The following DUSP11 variants were observed in gnomAD, a reference collection of about 807,000 sequenced individuals.
DUSP11 encodes the protein dual specificity phosphatase 11.
In DUSP11, 27 loss-of-function variants were observed where a neutral mutation model predicts 41.4. The observed-to-expected ratio is 0.65, with a 90% confidence interval of 0.48 to 0.90. DUSP11 has a LOEUF of 0.90. DUSP11 is among the 40% of genes least tolerant of loss of function. The pLI is 0.00. For synonymous variants in DUSP11, 188 were observed against 159.3 expected, an observed-to-expected ratio of 1.18 and a Z score of -1.35; for missense variants, 465 against 461.1, an observed-to-expected ratio of 1.01 and a Z score of -0.08.
At chr2:73,770,343 C>T (rs1672550411) in intron 4 of DUSP11, among the ~76,000 whole-genome samples, 2 of 151,396 alleles carry the variant, frequency 1.3e-5, no homozygotes, top group African/African-American at 4.9e-5. Context: ...GGTGAAACCC[C>T]ATCTCTACTA....
chr2:73,768,370 A>T (rs1041393066), intron 5 of DUSP11: 7 of 833,608 alleles, frequency 8.4e-6, no homozygotes, highest in Non-Finnish European at 1.0e-5. Context: ...AAGGGCAGCT[A>T]AAGTCTCTTT....
chr2:73,773,685 T>C, intron 4 of DUSP11, 115 bp downstream of exon 4: 1 of 1,048,406 alleles, frequency 9.5e-7, no homozygotes, highest in South Asian at 1.9e-5. Flanking sequence ...GACATTTTCA[T>C]CACCTTAGCA....
intron 3 of DUSP11, 78 bp downstream of exon 3, chr2:73,774,835 A>T (rs1006015826): frequency 1.6e-6 from 2 of 1,278,850 alleles, no homozygotes; most frequent in South Asian, 1.9e-5. Flanking sequence ...ACATTAGCAC[A>T]AGATGATTAC....
At chr2:73,768,641 G>A (rs1423555373) in intron 5 of DUSP11, 1 of 985,342 alleles carries the variant, frequency 1.0e-6, no homozygotes, top group South Asian at 4.7e-5. Context: ...GGTGTGCAAA[G>A]AACAACGCAG....
intron 2 of DUSP11, among the ~76,000 whole-genome samples, chr2:73,775,370 CTTTT>C (rs60660160): frequency 1.6e-5 from 2 of 127,372 alleles, no homozygotes; most frequent in Admixed American, 7.9e-5. Context: ...TATTTCTTTT[CTTTT>C]TTTTTTTTTT....
At chr2:73,767,286 A>C in intron 5 of DUSP11, 79 bp from the exon 6 acceptor site, 3 of 1,013,302 alleles carry the variant, frequency 3.0e-6, no homozygotes, top group Non-Finnish European at 4.6e-6. Flanking sequence ...TCCAATTTCA[A>C]CTTATAGACA....
At chr2:73,763,837 C>T (rs888488766) in intron 8 of DUSP11, among the ~76,000 whole-genome samples, 2 of 152,196 alleles carry the variant, frequency 1.3e-5, no homozygotes, top group African/African-American at 4.8e-5. Flanking sequence ...TTGTTCTTTT[C>T]CCCAGCATCT....
intron 8 of DUSP11, among the ~76,000 whole-genome samples, chr2:73,765,195 T>C (rs925442358): frequency 1.3e-5 from 2 of 152,106 alleles, no homozygotes; most frequent in African/African-American, 4.8e-5. Context: ...TACCATCCAA[T>C]AGGCTGGGGG....
Position 73,779,957 on chromosome 2 carries a change from A to AT in DUSP11, c.158dup (p.His53GlnfsTer57). 6.2e-7 allele frequency: 1 copy of AT among 1,614,186 alleles called. No homozygotes were observed. Among genetic ancestry groups the AT allele is most frequent in the Non-Finnish European group, 8.5e-7 (1 of 1,180,038 alleles). On this transcript the variant is annotated frameshift_variant, in exon 1 of 9. Transcript: ENST00000272444. LOFTEE classifies it high-confidence loss of function. ...GTCTCCGGCCCCAGCCACTGCGGGG[A>AT]TGATGCCACTGGCTCATGTGGGTCC...
chr2:73,773,424 C>A, intron 4 of DUSP11: 3 of 340,566 alleles, frequency 8.8e-6, no homozygotes, highest in Non-Finnish European at 1.7e-5. Flanking sequence ...CATTCTTAAT[C>A]TTTGCCCTTT....
At chr2:73,778,102 A>C (rs1196407166) in intron 2 of DUSP11, among the ~76,000 whole-genome samples, 199 bp downstream of exon 2, 1 of 151,916 alleles carries the variant, frequency 6.6e-6, no homozygotes, top group Non-Finnish European at 1.5e-5. Context: ...TTTATATTAT[A>C]GTTAGGGTGT....
chr2:73,766,617 C>A (rs1672471328), intron 7 of DUSP11, 23 bp from the exon 8 acceptor site: 1 of 1,588,406 alleles, frequency 6.3e-7, no homozygotes, highest in Admixed American at 1.9e-5. Context: ...ATTTTCCACA[C>A]AATATTACTG....
intron 4 of DUSP11, 60 bp downstream of exon 4, chr2:73,773,740 C>A: frequency 6.6e-7 from 1 of 1,513,340 alleles, no homozygotes. Flanking sequence ...AAAAAAATAC[C>A]AAAAATCCCC....
chr2:73,772,894 C>G (rs921295306), intron 4 of DUSP11, among the ~76,000 whole-genome samples: 1 of 152,182 alleles, frequency 6.6e-6, no homozygotes, highest in Non-Finnish European at 1.5e-5. Context: ...CTCCACTACT[C>G]CATCACATTT....
At position 73,778,434 on chromosome 2, in the gene DUSP11, A is replaced by T. The variant is rs1396703818; in HGVS notation, c.243-58T>A. The T allele has an allele frequency of 4.2e-6, 5 of 1,185,036 alleles. No individual in the cohort carries two copies. The African/African-American group carries it at 4.8e-5, about 11-fold the overall frequency. 73.4% of individuals were successfully genotyped at this position (1,185,036 alleles called of 1,614,324 possible). On this transcript the variant is annotated intron_variant, in intron 1 of 8. Coordinates refer to ENST00000272444, the Ensembl canonical transcript of DUSP11. ...ATGTTAGCCTTGTTTCCTTGCACAA[A>T]ATAAGACTTTTTGAAAATGGGAATC...
chr2:73,771,406 A>G (rs2103938435), intron 4 of DUSP11, among the ~76,000 whole-genome samples: 1 of 152,230 alleles, frequency 6.6e-6, no homozygotes, highest in South Asian at 2.1e-4. Flanking sequence ...CTGCAGCTCG[A>G]ATGTTGTCTC....
intron 4 of DUSP11, among the ~76,000 whole-genome samples, chr2:73,772,425 A>T (rs1672600616): frequency 6.6e-6 from 1 of 152,228 alleles, no homozygotes; most frequent in African/African-American, 2.4e-5. Context: ...GAGTACTGCA[A>T]GACTTAGACA....
chr2:73,766,774 A>G, intron 7 of DUSP11, 54 bp downstream of exon 7: 1 of 1,473,920 alleles, frequency 6.8e-7, no homozygotes, highest in South Asian at 1.2e-5. Context: ...CTTAAATTAC[A>G]TAAACAGAGA....
intron 8 of DUSP11, among the ~76,000 whole-genome samples, chr2:73,765,345 C>T (rs937948912): frequency 2.0e-5 from 3 of 152,176 alleles, no homozygotes; most frequent in Non-Finnish European, 4.4e-5. Context: ...TACCAGTGTC[C>T]TCCAACCCTT....
Sources: allele counts gnomAD v4.1 joint callset (sites outside exome capture counted in the v4.1 genomes callset), GRCh38; gene constraint gnomAD v4.1.1; transcripts MANE v1.5; gene names NCBI Gene and HGNC (gene_info 2026-07-23, HGNC 2026-07-21).